SHANK2: variants seen among roughly 807,000 people sequenced by gnomAD.
SHANK2 encodes the protein SH3 and multiple ankyrin repeat domains protein 2.
SHANK2 carries 43 observed loss-of-function variants against 133.7 expected under a neutral mutation model. The ratio of observed to expected loss-of-function variants is 0.32; its 90% CI spans 0.25 to 0.41. The LOEUF (loss-of-function observed/expected upper bound fraction) is 0.41. SHANK2 is among the 10% of genes least tolerant of loss of function. SHANK2 has a pLI of 1.00. For missense variants in SHANK2, 1,994 were observed against 2,235.8 expected (o/e 0.89, Z 2.18); for synonymous variants, 1,017 against 952.8 (o/e 1.07, Z -1.24).
chr11:70,763,425 G>A (rs1186908222), intron 14 of SHANK2, among the ~76,000 whole-genome samples: 1 of 152,206 alleles, frequency 6.6e-6, no homozygotes, highest in Non-Finnish European at 1.5e-5. Context: ...GTGAGTGGAT[G>A]TGGGTGAAGC....
chr11:70,916,139 T>C (rs782757666), intron 10 of SHANK2, among the ~76,000 whole-genome samples: 2 of 152,238 alleles, frequency 1.3e-5, no homozygotes, highest in African/African-American at 2.4e-5. Flanking sequence ...CCCAAAGCCA[T>C]TCTAAACCGG....
In SHANK2 at chr11:70,469,413, T is replaced by C. The variant is rs1276042416; in HGVS notation, c.*3456A>G. 2 of 152,624 alleles carry C rather than the reference T, an allele frequency of 1.3e-5. No homozygotes were observed. Among genetic ancestry groups the C allele is most frequent in the Non-Finnish European group, 2.9e-5 (2 of 68,040 alleles). The allele number at this position is 152,624 out of a possible 1,614,324, so 9.5% of individuals were successfully genotyped here. A position where few individuals can be genotyped will look rare whatever the true frequency, so the allele number is the denominator to read the frequency against. On this transcript the variant is annotated 3_prime_UTR_variant, in exon 26 of 26. Coordinates refer to ENST00000601538, the MANE Select transcript of SHANK2 (RefSeq NM_012309.5). ...AATTCAGACAGTGTTCACTGTTTGT[T>C]TGCAATCAGAACCACAACCTTAGTG...
chr11:70,713,776 C>T (rs1310722406), intron 14 of SHANK2, among the ~76,000 whole-genome samples: 2 of 152,214 alleles, frequency 1.3e-5, no homozygotes, highest in Middle Eastern at 3.2e-3. Context: ...CATGCCTTGC[C>T]GTGTGCCACA....
chr11:70,631,410 C>CACACA (rs1555002193), intron 17 of SHANK2, among the ~76,000 whole-genome samples: 9 of 69,234 alleles, frequency 1.3e-4, no homozygotes, highest in South Asian at 4.9e-4. Flanking sequence ...ACACACACAC[C>CACACA]CACACAACCT....
chr11:70,813,723 G>C (rs1948326058), intron 12 of SHANK2, among the ~76,000 whole-genome samples: 1 of 152,130 alleles, frequency 6.6e-6, no homozygotes, highest in South Asian at 2.1e-4. Flanking sequence ...GCTATTGGCT[G>C]ACAGTTGTTT....
intron 14 of SHANK2, among the ~76,000 whole-genome samples, chr11:70,790,976 G>A (rs1173998530): frequency 3.3e-5 from 5 of 152,162 alleles, no homozygotes; most frequent in African/African-American, 1.2e-4. Context: ...AGAATGGAAG[G>A]GCCTGGACTG....
At chr11:71,231,041 A>G (rs1234525753) in intron 1 of SHANK2, among the ~76,000 whole-genome samples, 1 of 152,362 alleles carries the variant, frequency 6.6e-6, no homozygotes, top group East Asian at 1.9e-4. Flanking sequence ...AAAAAGCACA[A>G]TCCACATACA....
chr11:70,526,884 G>A (rs2059405684), intron 17 of SHANK2, among the ~76,000 whole-genome samples: 1 of 151,648 alleles, frequency 6.6e-6, no homozygotes, highest in Non-Finnish European at 1.5e-5. Flanking sequence ...GCCCCTCTGA[G>A]CCCACTCTCC....
chr11:71,247,204 G>A (rs1954972195), intron 1 of SHANK2, among the ~76,000 whole-genome samples: 1 of 152,202 alleles, frequency 6.6e-6, no homozygotes, highest in African/African-American at 2.4e-5. Flanking sequence ...AAGTGGCTGT[G>A]AGTCACGATG....
At chr11:70,525,779 C>T (rs1262318451) in intron 17 of SHANK2, among the ~76,000 whole-genome samples, 12 of 152,074 alleles carry the variant, frequency 7.9e-5, no homozygotes, top group Admixed American at 3.9e-4. Context: ...CAGCTAACCC[C>T]CCTCCTAGCC....
intron 9 of SHANK2, among the ~76,000 whole-genome samples, chr11:71,067,464 G>A (rs1951080129): frequency 6.6e-6 from 1 of 152,152 alleles, no homozygotes; most frequent in African/African-American, 2.4e-5. Flanking sequence ...ATGAGGTGAG[G>A]GGTTGACAGA....
At chr11:70,933,788 C>G (rs888693939) in intron 10 of SHANK2, among the ~76,000 whole-genome samples, 1 of 151,632 alleles carries the variant, frequency 6.6e-6, no homozygotes, top group East Asian at 1.9e-4. Context: ...GGCATGGTGG[C>G]GCACACCTAT....
chr11:70,495,797 C>CG, intron 21 of SHANK2: 1 of 198,354 alleles, frequency 5.0e-6, no homozygotes, highest in Non-Finnish European at 1.1e-5. Flanking sequence ...AAACATCCCA[C>CG]GGGGGCATTC....
At chr11:70,880,687 G>A (rs1565380450) in intron 11 of SHANK2, among the ~76,000 whole-genome samples, 1 of 152,206 alleles carries the variant, frequency 6.6e-6, no homozygotes, top group African/African-American at 2.4e-5. Flanking sequence ...CTGGGGCTGG[G>A]GAACACGATG....
chr11:70,583,510 A>C (rs1273143700), intron 17 of SHANK2, among the ~76,000 whole-genome samples: 1 of 152,172 alleles, frequency 6.6e-6, no homozygotes, highest in Non-Finnish European at 1.5e-5. Context: ...ATGAGCTCTG[A>C]TTCTTGCAAG....
intron 8 of SHANK2, among the ~76,000 whole-genome samples, chr11:71,083,676 G>A (rs1951332934): frequency 1.3e-5 from 2 of 152,168 alleles, no homozygotes; most frequent in Non-Finnish European, 2.9e-5. Flanking sequence ...TTCAGCACAT[G>A]GAAACGCAGG....
chr11:70,552,178 G>A lies in SHANK2; in HGVS notation c.2062-49247C>T, dbSNP rs140739717. On this transcript the variant is annotated intron_variant, in intron 17 of 25. Coordinates refer to ENST00000601538, the MANE Select transcript of SHANK2 (RefSeq NM_012309.5). ...TTGAAGAATAATATGAGTAGGTGAGGTGACAGTTGGAAGGGGCAACCGGCA... is the reference window on the plus strand; with the variant it reads ...TTGAAGAATAATATGAGTAGGTGAGATGACAGTTGGAAGGGGCAACCGGCA... 1.8e-3 allele frequency among the ~76,000 whole-genome samples: 271 copies of A among 152,336 alleles called. 2 individuals are homozygous for A. The highest frequency in any genetic ancestry group is 5.4e-3 in the African/African-American group (225 of 41,584).
At chr11:70,670,533 G>A (rs957882809) in intron 15 of SHANK2, among the ~76,000 whole-genome samples, 15 of 152,210 alleles carry the variant, frequency 9.9e-5, no homozygotes, top group African/African-American at 2.4e-4. Context: ...GACAGGCGGG[G>A]CAGGCTGCGG....
rs879235729 is a variant in SHANK2 at position 71,057,914 on chromosome 11, G to GTTTTTT, written c.1030-1362_1030-1357dup. Among the ~76,000 whole-genome samples, 121 of 121,094 alleles carry GTTTTTT rather than the reference G, an allele frequency of 1.0e-3. 1 individual carries two copies. Among genetic ancestry groups the GTTTTTT allele is most frequent in the African/African-American group, 3.8e-3 (105 of 27,734 alleles). 79.4% of individuals were successfully genotyped at this position (121,094 alleles called of 152,430 possible). A position where few individuals can be genotyped will look rare whatever the true frequency, so the allele number is the denominator to read the frequency against. ...AATGTTGTTAAAAGCAAGCAAAACG[G>GTTTTTT]TTTTTTTTTTTTTTTTTGAGACAGG... On this transcript the variant is annotated intron_variant, in intron 9 of 25. Transcript: ENST00000601538.
Sources: gnomAD v4.1 joint callset for allele counts (sites outside exome capture counted in the v4.1 genomes callset) on GRCh38, gnomAD v4.1.1 for gene constraint, MANE v1.5 for transcripts, NCBI Gene and HGNC (gene_info 2026-07-23, HGNC 2026-07-21) for gene names.